Variants in ITGBL1 observed in about 807,000 individuals in gnomAD.
The protein encoded by ITGBL1 is integrin beta-like protein 1.
In ITGBL1, 51 loss-of-function variants were observed where a neutral mutation model predicts 68.5. That is an observed-to-expected ratio of 0.74 (90% CI 0.59 to 0.94). ITGBL1 has a LOEUF of 0.94. Among genes scored for constraint, ITGBL1 ranks in the 40% least tolerant of loss-of-function variants. ITGBL1 has a pLI of 0.00. For missense variants in ITGBL1, 649 were observed against 647.4 expected (o/e 1.00, Z -0.03); for synonymous variants, 209 against 227.3 (o/e 0.92, Z 0.72).
intron 2 of ITGBL1, among the ~76,000 whole-genome samples, chr13:101,556,833 A>G (rs1192818481): frequency 1.3e-5 from 2 of 152,146 alleles, no homozygotes; most frequent in Non-Finnish European, 2.9e-5. Flanking sequence ...TCCTGTTCGC[A>G]CCTTGGTTTT....
chr13:101,600,964 G>T (rs796379036), intron 7 of ITGBL1, among the ~76,000 whole-genome samples: 1 of 152,196 alleles, frequency 6.6e-6, no homozygotes, highest in Non-Finnish European at 1.5e-5. Flanking sequence ...AAATGAGTTA[G>T]GGAGGATTCC....
intron 7 of ITGBL1, among the ~76,000 whole-genome samples, chr13:101,604,877 T>TAG (rs1298257111): frequency 4.6e-5 from 1 of 21,692 alleles, no homozygotes; most frequent in Non-Finnish European, 1.1e-4. Flanking sequence ...TATATATATA[T>TAG]ATATATATAT....
chr13:101,689,211 TAAAAAAAAA>T (rs34627046), intron 7 of ITGBL1, among the ~76,000 whole-genome samples: 2 of 74,870 alleles, frequency 2.7e-5, no homozygotes, highest in African/African-American at 4.7e-5. Flanking sequence ...AGACTCTGCC[TAAAAAAAAA>T]AAAAAAAAAA....
chr13:101,453,622 A>G (rs2048193996), intron 1 of ITGBL1, among the ~76,000 whole-genome samples: 1 of 152,206 alleles, frequency 6.6e-6, no homozygotes, highest in South Asian at 2.1e-4. Flanking sequence ...CACCTGGAGG[A>G]AGGACCTGTG....
intron 4 of ITGBL1, among the ~76,000 whole-genome samples, chr13:101,575,978 TC>T (rs1227625788): frequency 6.6e-6 from 1 of 152,124 alleles, no homozygotes; most frequent in Non-Finnish European, 1.5e-5. Flanking sequence ...AGAGTTTACC[TC>T]CCCCTCTCTG....
Position 101,452,764 on chromosome 13 carries a change from C to A in ITGBL1, c.-70C>A. On this transcript the variant is annotated 5_prime_UTR_variant, in exon 1 of 11. Transcript: ENST00000376180. Reference sequence around the variant, plus strand: ...CCATCTGCTGGTGGCACCTCTCCCTCCTGCCGCCTCCCTCGGTGAACCCCA... The same window carrying A: ...CCATCTGCTGGTGGCACCTCTCCCTACTGCCGCCTCCCTCGGTGAACCCCA... 1 of 1,283,980 alleles carries A rather than the reference C, an allele frequency of 7.8e-7. No individual in the cohort carries two copies. Among genetic ancestry groups the A allele is most frequent in the Non-Finnish European group, 1.1e-6 (1 of 881,576 alleles). The allele number at this position is 1,283,980 out of a possible 1,614,324, so 79.5% of individuals were successfully genotyped here.
At chr13:101,582,920 G>A (rs1185835216) in intron 5 of ITGBL1, among the ~76,000 whole-genome samples, 2 of 151,962 alleles carry the variant, frequency 1.3e-5, no homozygotes, top group East Asian at 3.9e-4. Context: ...GCTTCTTGGG[G>A]GAAAGGATTA....
rs867780172 is a variant in ITGBL1 at position 101,556,364 on chromosome 13, C to T, written c.317-11335C>T. ...TAAGAAGAAGAAAAGAAGCTGGGCA[C>T]GGTGGCTCATGCCTGTAATCCCAGC... On this transcript the variant is annotated intron_variant, in intron 2 of 10. Coordinates refer to ENST00000376180, the MANE Select transcript of ITGBL1 (RefSeq NM_004791.3). Among the ~76,000 whole-genome samples the T allele has an allele frequency of 4.6e-5, 7 of 152,264 alleles. No homozygotes were observed. The South Asian group carries it at 6.2e-4, about 14-fold the overall frequency.
chr13:101,701,410 G>A (rs2034133074), intron 8 of ITGBL1, among the ~76,000 whole-genome samples: 2 of 152,236 alleles, frequency 1.3e-5, no homozygotes, highest in African/African-American at 4.8e-5. Flanking sequence ...GCACATGCCT[G>A]TAATCCCAGC....
At chr13:101,544,512 TGAG>T (rs947142245) in intron 2 of ITGBL1, among the ~76,000 whole-genome samples, 19 of 152,186 alleles carry the variant, frequency 1.2e-4, no homozygotes, top group Non-Finnish European at 2.4e-4. Flanking sequence ...GGGACCCACT[TGAG>T]GAGGCAGTCT....
At chr13:101,651,037 T>A (rs968239247) in intron 7 of ITGBL1, among the ~76,000 whole-genome samples, 16 of 152,134 alleles carry the variant, frequency 1.1e-4, no homozygotes, top group Admixed American at 3.3e-4. Flanking sequence ...ACATTTTCTT[T>A]AGTCTATCAT....
rs180898527 is a variant in ITGBL1 at position 101,653,626 on chromosome 13, A to T, written c.1016-38959A>T. On this transcript the variant is annotated intron_variant, in intron 7 of 10. Transcript: ENST00000376180. ...ATGTAAATAGGCAGCAAGACAATAC[A>T]TGCTTTTGGCAAGTGCTATTATGAA... Among the ~76,000 whole-genome samples the T allele has an allele frequency of 3.9e-3, 588 of 152,292 alleles. 3 individuals carry two copies. The highest frequency in any genetic ancestry group is 5.9e-3 in the Non-Finnish European group (398 of 68,012).
intron 2 of ITGBL1, among the ~76,000 whole-genome samples, chr13:101,491,655 TG>T: frequency 6.6e-6 from 1 of 152,302 alleles, no homozygotes; most frequent in South Asian, 2.1e-4. Flanking sequence ...CTTTAAGTGC[TG>T]GGATACATGA....
intron 8 of ITGBL1, among the ~76,000 whole-genome samples, chr13:101,696,215 T>C (rs2033999351): frequency 6.6e-6 from 1 of 152,190 alleles, no homozygotes; most frequent in Non-Finnish European, 1.5e-5. Flanking sequence ...ATGTGGCTCC[T>C]GTCCCACAGC....
chr13:101,548,396 A>T (rs1415119388), intron 2 of ITGBL1, among the ~76,000 whole-genome samples: 2 of 151,984 alleles, frequency 1.3e-5, no homozygotes, highest in East Asian at 3.9e-4. Context: ...GATCTACTTT[A>T]AAAATCCTGT....
intron 3 of ITGBL1, among the ~76,000 whole-genome samples, chr13:101,573,868 C>T (rs9557703): frequency 0.3 from 45,480 of 151,930 alleles, 7,058 homozygotes; most frequent in East Asian, 0.48. Context: ...CATCCTTCAC[C>T]CTTTACACTC....
chr13:101,563,587 AAAATCAATTAAAAAG>A (rs1277742113), intron 2 of ITGBL1, among the ~76,000 whole-genome samples: 1 of 151,908 alleles, frequency 6.6e-6, no homozygotes, highest in Non-Finnish European at 1.5e-5. Context: ...CAATCTGCCA[AAAATCAATTAAAAAG>A]AAATAGATGA....
intron 2 of ITGBL1, among the ~76,000 whole-genome samples, chr13:101,461,048 G>A (rs1370669426): frequency 6.6e-6 from 1 of 152,118 alleles, no homozygotes; most frequent in Admixed American, 6.6e-5. Context: ...GCACCTTGAT[G>A]ATCTAGAGGA....
At position 101,481,002 on chromosome 13, in the gene ITGBL1, ATGTGTGTGTGTGTGTGTG is replaced by A. The variant is rs71121195; in HGVS notation, c.316+26920_316+26937del. Among the ~76,000 whole-genome samples, 151 of 143,318 alleles carry A rather than the reference ATGTGTGTGTGTGTGTGTG, an allele frequency of 1.1e-3. 3 individuals carry two copies. The highest frequency in any genetic ancestry group is 3.8e-3 in the African/African-American group (147 of 38,416). The allele number at this position is 143,318 out of a possible 152,430, so 94.0% of individuals were successfully genotyped here. A position where few individuals can be genotyped will look rare whatever the true frequency, so the allele number is the denominator to read the frequency against. On this transcript the variant is annotated intron_variant, in intron 2 of 10. Coordinates refer to ENST00000376180, the MANE Select transcript of ITGBL1 (RefSeq NM_004791.3). ...AGGGAGCCTTTTAATGCCAAAAGAT[ATGTGTGTGTGTGTGTGTG>A]TGTGTGTGTGTGTGTGTACTCATAT...
Sources: allele counts gnomAD v4.1 joint callset (sites outside exome capture counted in the v4.1 genomes callset), GRCh38; gene constraint gnomAD v4.1.1; transcripts MANE v1.5; gene names NCBI Gene and HGNC (gene_info 2026-07-23, HGNC 2026-07-21).